The following PTPRM variants were observed in gnomAD, a reference collection of about 807,000 sequenced individuals.
PTPRM encodes receptor-type tyrosine-protein phosphatase mu.
A neutral mutation model predicts 186.7 loss-of-function variants in PTPRM; 47 were observed. The observed-to-expected ratio is 0.25, with a 90% CI of 0.20 to 0.32. PTPRM has a LOEUF of 0.32. Among genes scored for constraint, PTPRM ranks in the 10% least tolerant of loss-of-function variants. The probability of loss-of-function intolerance (pLI) is 1.00; values close to 1 mark genes in which losing one functional copy is unlikely to be tolerated. For missense variants in PTPRM, 1,494 were observed against 1,865.0 expected (o/e 0.80, Z 3.66); for synonymous variants, 668 against 674.9 (o/e 0.99, Z 0.16).
At chr18:7,992,248 AT>A (rs990055539) in intron 7 of PTPRM, among the ~76,000 whole-genome samples, 40 of 151,562 alleles carry the variant, frequency 2.6e-4, no homozygotes, top group Non-Finnish European at 3.7e-4. Flanking sequence ...CAAAAGTGTA[AT>A]TTTTTTTTGA....
At position 7,621,850 on chromosome 18, in the gene PTPRM, A is replaced by T. The variant is rs375915507; in HGVS notation, c.73+53959A>T. 2.6e-5 allele frequency among the ~76,000 whole-genome samples: 4 copies of T among 152,194 alleles called. No individual in the cohort carries two copies. In the East Asian group the frequency reaches 7.7e-4, roughly 29 times the overall value. On this transcript the variant is annotated intron_variant, in intron 1 of 32. Transcript: ENST00000580170. ...TACTCTCATCATCTGTATGTACCAC[A>T]GTTTATCCATTCACCTACTGAAGGA...
chr18:7,579,630 A>T (rs2036790774), intron 1 of PTPRM, among the ~76,000 whole-genome samples: 1 of 152,224 alleles, frequency 6.6e-6, no homozygotes, highest in African/African-American at 2.4e-5. Context: ...TCACTCTGGA[A>T]TGTTTAGAAT....
chr18:8,100,879 A>G (rs191607422), intron 11 of PTPRM, among the ~76,000 whole-genome samples: 9 of 152,328 alleles, frequency 5.9e-5, no homozygotes, highest in Non-Finnish European at 1.3e-4. Context: ...AAAATTTCCT[A>G]TCATTACTGC....
chr18:7,694,987 T>A (rs1458607108), intron 1 of PTPRM, among the ~76,000 whole-genome samples: 1 of 152,202 alleles, frequency 6.6e-6, no homozygotes, highest in Non-Finnish European at 1.5e-5. Context: ...CTTTTCCATT[T>A]AATCCTGACA....
At chr18:7,643,149 C>T (rs2038483472) in intron 1 of PTPRM, among the ~76,000 whole-genome samples, 1 of 152,000 alleles carries the variant, frequency 6.6e-6, no homozygotes, top group South Asian at 2.1e-4. Flanking sequence ...ATGTTCATGA[C>T]TGAAAACACA....
In PTPRM at chr18:8,207,979, G is replaced by A. The variant is rs148908539; in HGVS notation, c.2301-36079G>A. ...CTGCCAACAAATATTCAGAAATTAC[G>A]TGCCATATTTTTTAAAAAAGAAAAC... On this transcript the variant is annotated intron_variant, in intron 14 of 32. Coordinates refer to ENST00000580170, the MANE Select transcript of PTPRM (RefSeq NM_001105244.2). Among the ~76,000 whole-genome samples the A allele has an allele frequency of 2.2e-3, 338 of 152,284 alleles. 1 individual carries two copies. Among genetic ancestry groups the A allele is most frequent in the African/African-American group, 7.8e-3 (324 of 41,558 alleles).
chr18:8,383,979 C>A (rs577791624), intron 29 of PTPRM, among the ~76,000 whole-genome samples: 63 of 152,272 alleles, frequency 4.1e-4, no homozygotes, highest in African/African-American at 1.3e-3. Flanking sequence ...ATCCACATGA[C>A]CTCGTTGGAA....
chr18:7,678,019 A>G (rs1009379749), intron 1 of PTPRM, among the ~76,000 whole-genome samples: 1 of 151,900 alleles, frequency 6.6e-6, no homozygotes, highest in Non-Finnish European at 1.5e-5. Flanking sequence ...GCACTTGGTT[A>G]TTGAATGAAG....
chr18:7,872,986 TTTATA>T (rs1354371035), intron 2 of PTPRM, among the ~76,000 whole-genome samples: 1 of 152,216 alleles, frequency 6.6e-6, no homozygotes, highest in Non-Finnish European at 1.5e-5. Context: ...TATTTAATTG[TTTATA>T]TTATATTAAA....
At chr18:7,709,645 T>G (rs150628673) in intron 1 of PTPRM, among the ~76,000 whole-genome samples, 1 of 152,108 alleles carries the variant, frequency 6.6e-6, no homozygotes, top group African/African-American at 2.4e-5. Context: ...TAACCAAAAT[T>G]GATATATCAT....
In PTPRM at chr18:8,054,583, C is replaced by T. The variant is rs191822440; in HGVS notation, c.1133-15103C>T. Among the ~76,000 whole-genome samples the T allele has an allele frequency of 1.9e-4, 29 of 151,968 alleles. No individual in the cohort carries two copies. The East Asian group carries it at 5.0e-3, about 26-fold the overall frequency. ...TAGTTGATATCTTAAACTTCCCTTC[C>T]CAGTGATGGAAAGATCTTACAACAC... On this transcript the variant is annotated intron_variant, in intron 7 of 32. Coordinates refer to ENST00000580170, the MANE Select transcript of PTPRM (RefSeq NM_001105244.2).
chr18:7,600,860 G>A (rs995650145), intron 1 of PTPRM, among the ~76,000 whole-genome samples: 15 of 152,354 alleles, frequency 9.8e-5, no homozygotes, highest in African/African-American at 3.4e-4. Context: ...GTGTCTACCT[G>A]GGCCTCTAGG....
intron 10 of PTPRM, among the ~76,000 whole-genome samples, chr18:8,086,087 TG>T (rs2090418551): frequency 6.6e-6 from 1 of 152,146 alleles, no homozygotes. Flanking sequence ...AAGTGGCTAT[TG>T]TTTTAGCAGG....
chr18:8,255,807 T>C (rs966082052), intron 19 of PTPRM, among the ~76,000 whole-genome samples: 8 of 152,102 alleles, frequency 5.3e-5, no homozygotes, highest in Admixed American at 6.5e-5. Flanking sequence ...TGTCGTCTAG[T>C]GGGGTAGATG....
chr18:7,815,601 C>T (rs967760316), intron 2 of PTPRM: 17 of 152,152 alleles, frequency 1.1e-4, no homozygotes, highest in South Asian at 6.2e-4. Flanking sequence ...AAAGATCGCT[C>T]GAGGCCAGGA....
At chr18:7,829,047 T>C (rs2045632222) in intron 2 of PTPRM, among the ~76,000 whole-genome samples, 1 of 152,198 alleles carries the variant, frequency 6.6e-6, no homozygotes, top group Non-Finnish European at 1.5e-5. Context: ...TTCCTGTAAA[T>C]ACCTAATTGT....
At chr18:7,844,345 G>A (rs2046489739) in intron 2 of PTPRM, among the ~76,000 whole-genome samples, 1 of 152,174 alleles carries the variant, frequency 6.6e-6, no homozygotes, top group African/African-American at 2.4e-5. Flanking sequence ...TCAGATCAAA[G>A]TCTAGGATCT....
intron 2 of PTPRM, among the ~76,000 whole-genome samples, chr18:7,840,912 C>T (rs935583955): frequency 6.6e-6 from 1 of 152,142 alleles, no homozygotes; most frequent in Non-Finnish European, 1.5e-5. Flanking sequence ...GTAAGACAGG[C>T]TTCACTTATT....
intron 2 of PTPRM, among the ~76,000 whole-genome samples, chr18:7,870,429 G>A (rs1014128731): frequency 6.6e-6 from 1 of 152,134 alleles, no homozygotes. Context: ...TGAAGGTGTA[G>A]ATACCAGATA....
Sources: gnomAD v4.1 joint callset for allele counts (sites outside exome capture counted in the v4.1 genomes callset) on GRCh38, gnomAD v4.1.1 for gene constraint, MANE v1.5 for transcripts, NCBI Gene and HGNC (gene_info 2026-07-23, HGNC 2026-07-21) for gene names.